The following LPAR1 variants were observed in gnomAD, a reference collection of about 807,000 sequenced individuals.
LPAR1 encodes the protein lysophosphatidic acid receptor 1.
In LPAR1, 5 loss-of-function variants were observed where a neutral mutation model predicts 23.8. The observed-to-expected ratio is 0.21, with a 90% confidence interval of 0.11 to 0.44. LPAR1 has a LOEUF of 0.44. LPAR1 is among the 20% of genes least tolerant of loss of function. LPAR1 has a pLI of 0.99. For synonymous variants in LPAR1, 160 were observed against 164.7 expected (o/e 0.97, Z 0.22); for missense variants, 311 against 482.8 (o/e 0.64, Z 3.33).
chr9:111,031,829 T>A (rs1457792917), intron 2 of LPAR1, among the ~76,000 whole-genome samples: 3 of 152,194 alleles, frequency 2.0e-5, no homozygotes, highest in Non-Finnish European at 4.4e-5. Flanking sequence ...AAAAGGAGAT[T>A]ACCGGGCTCT....
chr9:111,034,727 A>T (rs1316206818), intron 2 of LPAR1, among the ~76,000 whole-genome samples: 3 of 152,076 alleles, frequency 2.0e-5, no homozygotes, highest in Non-Finnish European at 4.4e-5. Flanking sequence ...CTCTGCCCCA[A>T]TATGTGTTAC....
At chr9:111,001,506 C>G (rs2097128252) in intron 2 of LPAR1, among the ~76,000 whole-genome samples, 1 of 151,752 alleles carries the variant, frequency 6.6e-6, no homozygotes, top group Admixed American at 6.6e-5. Flanking sequence ...CATAAAGGGA[C>G]TGGAAAAAAA....
chr9:111,017,924 C>T (rs1450993666), intron 2 of LPAR1, among the ~76,000 whole-genome samples: 1 of 152,032 alleles, frequency 6.6e-6, no homozygotes. Flanking sequence ...GAGGCTGAGG[C>T]AGGAGAATTG....
chr9:110,881,696 G>T (rs1257781058), intron 5 of LPAR1, among the ~76,000 whole-genome samples: 1 of 152,162 alleles, frequency 6.6e-6, no homozygotes, highest in African/African-American at 2.4e-5. Flanking sequence ...CTAGCCAAGT[G>T]AGCAATACCT....
intron 2 of LPAR1, among the ~76,000 whole-genome samples, chr9:111,010,197 C>T (rs181818044): frequency 5.9e-5 from 9 of 152,030 alleles, no homozygotes; most frequent in Admixed American, 5.2e-4. Flanking sequence ...AAAGCACTGC[C>T]TTTAAATGTT....
intron 5 of LPAR1, among the ~76,000 whole-genome samples, chr9:110,883,837 T>G (rs76887292): frequency 6.6e-6 from 1 of 152,268 alleles, no homozygotes; most frequent in Admixed American, 6.5e-5. Context: ...ATCGAACCCA[T>G]TGATTTCTAG....
At chr9:110,975,617 C>G (rs2096538523) in intron 2 of LPAR1, among the ~76,000 whole-genome samples, 1 of 152,088 alleles carries the variant, frequency 6.6e-6, no homozygotes, top group Non-Finnish European at 1.5e-5. Context: ...AATCTTTAAG[C>G]AAAAATGTCA....
At chr9:111,037,163 A>C (rs991822247) in intron 1 of LPAR1, among the ~76,000 whole-genome samples, 1 of 152,220 alleles carries the variant, frequency 6.6e-6, no homozygotes, top group Non-Finnish European at 1.5e-5. Flanking sequence ...CGTGAAAAAC[A>C]AACTGTTAGA....
chr9:110,995,066 G>A lies in LPAR1; in HGVS notation c.-181-21508C>T, dbSNP rs890963647. ...ACAAAGGCAGATGCTCCAGCAATGTGGCCCTAAGTACTTCTGTTTCCAGGA... is the reference window on the plus strand; with the variant it reads ...ACAAAGGCAGATGCTCCAGCAATGTAGCCCTAAGTACTTCTGTTTCCAGGA... On this transcript the variant is annotated intron_variant, in intron 2 of 5. Transcript: ENST00000683809. Among the ~76,000 whole-genome samples the A allele has an allele frequency of 5.9e-5, 9 of 152,108 alleles. No homozygotes were observed. In the East Asian group the frequency reaches 1.7e-3, roughly 29 times the overall value.
rs774955356 is a variant in LPAR1, at chr9:110,875,726, C to A, written c.794-4G>T. On this transcript the variant is annotated splice_region_variant and splice_polypyrimidine_tract_variant and intron_variant, in intron 5 of 5. Coordinates refer to ENST00000683809, the MANE Select transcript of LPAR1 (RefSeq NM_001351411.2). ...GTCCAGCAGATGATAAAGGCCCCTACAAGGACAAGGATAGGGATCAGAAGG... is the reference window on the plus strand; with the variant it reads ...GTCCAGCAGATGATAAAGGCCCCTAAAAGGACAAGGATAGGGATCAGAAGG... The A allele has an allele frequency of 7.0e-6, 11 of 1,560,476 alleles. No homozygotes were observed. The Admixed American group carries it at 1.1e-4, about 15-fold the overall frequency.
At chr9:110,995,206 A>G (rs1172647594) in intron 2 of LPAR1, among the ~76,000 whole-genome samples, 1 of 152,156 alleles carries the variant, frequency 6.6e-6, no homozygotes, top group East Asian at 1.9e-4. Context: ...TTGGCCCACA[A>G]TGTGCTATTC....
intron 4 of LPAR1, among the ~76,000 whole-genome samples, chr9:110,961,481 G>A (rs2095979193): frequency 6.6e-6 from 1 of 151,826 alleles, no homozygotes; most frequent in Non-Finnish European, 1.5e-5. Flanking sequence ...TTAGCCAGGT[G>A]TAGTGGCACA....
intron 5 of LPAR1, among the ~76,000 whole-genome samples, chr9:110,935,356 T>C (rs2094628893): frequency 1.3e-5 from 2 of 151,566 alleles, no homozygotes; most frequent in Non-Finnish European, 2.9e-5. Context: ...TTGGATGATA[T>C]AATTTTTAGG....
At chr9:110,903,250 T>C (rs567303607) in intron 5 of LPAR1, 2 of 152,248 alleles carry the variant, frequency 1.3e-5, no homozygotes, top group South Asian at 4.1e-4. Context: ...CAAAATGGTG[T>C]AATGAGTAAC....
At chr9:111,037,730 G>A (rs2097919521) in intron 1 of LPAR1, 1 of 152,262 alleles carries the variant, frequency 6.6e-6, no homozygotes, top group Admixed American at 6.5e-5. Context: ...AGCGGGACGA[G>A]GTTTTGGGAG....
chr9:110,889,862 A>G (rs568679242), intron 5 of LPAR1, among the ~76,000 whole-genome samples: 55 of 152,352 alleles, frequency 3.6e-4, no homozygotes, highest in African/African-American at 1.3e-3. Flanking sequence ...TTTTGCATTC[A>G]GAGGCCAAAA....
chr9:110,924,261 A>T (rs2093847428), intron 5 of LPAR1, among the ~76,000 whole-genome samples: 1 of 151,798 alleles, frequency 6.6e-6, no homozygotes, highest in Admixed American at 6.6e-5. Context: ...GAAAACGTAA[A>T]TGTCTAATGA....
At chr9:111,018,337 T>C (rs754504738) in intron 2 of LPAR1, among the ~76,000 whole-genome samples, 1 of 152,224 alleles carries the variant, frequency 6.6e-6, no homozygotes, top group Non-Finnish European at 1.5e-5. Context: ...TAATCATTTC[T>C]ATCTCTAGCC....
At chr9:110,915,966 C>T (rs569414708) in intron 5 of LPAR1, among the ~76,000 whole-genome samples, 1 of 152,018 alleles carries the variant, frequency 6.6e-6, no homozygotes, top group South Asian at 2.1e-4. Context: ...ACATGAATGA[C>T]TAAAATCAAA....
Sources: gnomAD v4.1 joint callset for allele counts (sites outside exome capture counted in the v4.1 genomes callset) on GRCh38, gnomAD v4.1.1 for gene constraint, MANE v1.5 for transcripts, NCBI Gene and HGNC (gene_info 2026-07-23, HGNC 2026-07-21) for gene names.